Variants in CCDC146 observed in about 807,000 individuals in gnomAD.
The protein encoded by CCDC146 is coiled-coil domain containing 146.
In CCDC146, 92 loss-of-function variants were observed where a neutral mutation model predicts 119.3. That is an observed-to-expected ratio of 0.77 (90% CI 0.65 to 0.92). The LOEUF is 0.92. Ranked by LOEUF, CCDC146 falls within the 40% of genes least tolerant of loss-of-function variation. The pLI is 0.00. For synonymous variants in CCDC146, 372 were observed against 371.8 expected, an observed-to-expected ratio of 1.00 and a Z score of -0.01; for missense variants, 1,000 against 1,103.0, an observed-to-expected ratio of 0.91 and a Z score of 1.32.
intron 2 of CCDC146, among the ~76,000 whole-genome samples, chr7:77,185,431 C>A (rs995386917): frequency 1.3e-5 from 2 of 152,126 alleles, no homozygotes; most frequent in African/African-American, 2.4e-5. Context: ...TTGGCTGTGA[C>A]CCCACCCAAA....
intron 1 of CCDC146, among the ~76,000 whole-genome samples, chr7:77,161,544 A>G (rs1260038160): frequency 6.6e-6 from 1 of 150,500 alleles, no homozygotes; most frequent in Non-Finnish European, 1.5e-5. Flanking sequence ...AGAACAAAAA[A>G]CCAAACACCG....
chr7:77,183,199 C>T (rs948667599), intron 2 of CCDC146, among the ~76,000 whole-genome samples: 1 of 151,926 alleles, frequency 6.6e-6, no homozygotes, highest in African/African-American at 2.4e-5. Flanking sequence ...GCTTCCCACC[C>T]TCAGGCTATA....
At chr7:77,269,009 T>C (rs957832864) in intron 9 of CCDC146, among the ~76,000 whole-genome samples, 27 of 152,358 alleles carry the variant, frequency 1.8e-4, no homozygotes, top group Non-Finnish European at 1.3e-4. Context: ...TCTCTGTCTA[T>C]GGAAGTATAT....
chr7:77,132,281 T>A (rs1790795545), intron 1 of CCDC146, among the ~76,000 whole-genome samples: 1 of 152,006 alleles, frequency 6.6e-6, no homozygotes, highest in Non-Finnish European at 1.5e-5. Context: ...AAAAAAGAAC[T>A]AGAAAACAAT....
rs536619049 is a variant in CCDC146 at position 77,254,576 on chromosome 7, T to C, written c.507+13T>C. The C allele has an allele frequency of 1.4e-6, 2 of 1,403,300 alleles. No individual in the cohort carries two copies. Among genetic ancestry groups the C allele is most frequent in the Admixed American group, 1.9e-5 (1 of 51,466 alleles). The allele number at this position is 1,403,300 out of a possible 1,614,324, so 86.9% of individuals were successfully genotyped here. ...AACAAAGCCAGGAGTAAGTCTTAGATGATATAGAGTTTCTTAAATACAGCT... is the reference window on the plus strand; with the variant it reads ...AACAAAGCCAGGAGTAAGTCTTAGACGATATAGAGTTTCTTAAATACAGCT... On this transcript the variant is annotated intron_variant, in intron 5 of 18. Coordinates refer to ENST00000285871, the MANE Select transcript of CCDC146 (RefSeq NM_020879.3).
intron 18 of CCDC146, among the ~76,000 whole-genome samples, chr7:77,294,157 C>T (rs1328469607): frequency 6.6e-6 from 1 of 152,230 alleles, no homozygotes. Flanking sequence ...CACTTTACTC[C>T]TCTACCTCTT....
intron 2 of CCDC146, among the ~76,000 whole-genome samples, chr7:77,208,102 T>C (rs2110323): frequency 0.45 from 67,675 of 152,030 alleles, 17,577 homozygotes; most frequent in African/African-American, 0.72. Context: ...TTTGGCCTTA[T>C]GCAGGGTTCA....
At chr7:77,273,188 T>A (rs1793559020) in intron 9 of CCDC146, among the ~76,000 whole-genome samples, 1 of 152,214 alleles carries the variant, frequency 6.6e-6, no homozygotes, top group South Asian at 2.1e-4. Context: ...ATTCTCTTCA[T>A]CTGTACAATT....
intron 2 of CCDC146, chr7:77,198,154 A>G (rs917519351): frequency 6.0e-5 from 59 of 985,334 alleles, no homozygotes; most frequent in Non-Finnish European, 6.9e-5. Context: ...GCAGTGTGCC[A>G]GGTACATTCA....
At chr7:77,292,412 A>G (rs10267076) in intron 17 of CCDC146, among the ~76,000 whole-genome samples, 52,342 of 149,672 alleles carry the variant, frequency 0.35, 10,383 homozygotes, top group African/African-American at 0.53. Flanking sequence ...TCAGGAGATC[A>G]AGACCATCCT....
intron 2 of CCDC146, among the ~76,000 whole-genome samples, chr7:77,211,744 T>C (rs1792189031): frequency 1.3e-5 from 2 of 152,056 alleles, no homozygotes; most frequent in African/African-American, 4.8e-5. Context: ...GCCTCCTGAG[T>C]AGCTGGGATT....
chr7:77,189,248 C>T (rs932660120), intron 2 of CCDC146, among the ~76,000 whole-genome samples: 1 of 152,148 alleles, frequency 6.6e-6, no homozygotes, highest in African/African-American at 2.4e-5. Flanking sequence ...CTGTTCCTGG[C>T]AGCTCCATCC....
At chr7:77,284,219 T>C (rs1793810227) in intron 15 of CCDC146, among the ~76,000 whole-genome samples, 1 of 152,172 alleles carries the variant, frequency 6.6e-6, no homozygotes, top group African/African-American at 2.4e-5. Context: ...GGGGTTACAT[T>C]ACAGAAATGC....
chr7:77,219,537 T>C (rs1792362952), intron 2 of CCDC146, among the ~76,000 whole-genome samples: 1 of 152,162 alleles, frequency 6.6e-6, no homozygotes, highest in African/African-American at 2.4e-5. Flanking sequence ...ATTATAGCAT[T>C]TACAGAGATT....
At chr7:77,241,655 C>T (rs2150489390) in intron 3 of CCDC146, 36 bp from the exon 4 acceptor site, 1 of 1,588,770 alleles carries the variant, frequency 6.3e-7, no homozygotes. Context: ...ATGTACATGT[C>T]TCATTATGTG....
At chr7:77,290,268 C>G (rs1289526694) in intron 17 of CCDC146, among the ~76,000 whole-genome samples, 1 of 151,588 alleles carries the variant, frequency 6.6e-6, no homozygotes, top group Non-Finnish European at 1.5e-5. Flanking sequence ...AGGAGATATA[C>G]CTAATGTAAA....
At chr7:77,203,449 T>C (rs116078669) in intron 2 of CCDC146, among the ~76,000 whole-genome samples, 1,610 of 152,156 alleles carry the variant, frequency 0.011, 33 homozygotes, top group African/African-American at 0.037. Flanking sequence ...TAGATGTGGA[T>C]GTTAATTTGA....
At chr7:77,202,146 A>G (rs1006502434) in intron 2 of CCDC146, among the ~76,000 whole-genome samples, 1 of 152,250 alleles carries the variant, frequency 6.6e-6, no homozygotes, top group Admixed American at 6.5e-5. Flanking sequence ...TTGATATACT[A>G]TATATTTATT....
At chr7:77,178,726 C>T (rs185941010) in intron 2 of CCDC146, among the ~76,000 whole-genome samples, 19 of 152,214 alleles carry the variant, frequency 1.2e-4, no homozygotes, top group African/African-American at 4.1e-4. Context: ...TCTAAATAGT[C>T]GCTGAACGGA....
Sources: allele counts gnomAD v4.1 joint callset (sites outside exome capture counted in the v4.1 genomes callset), GRCh38; gene constraint gnomAD v4.1.1; transcripts MANE v1.5; gene names NCBI Gene and HGNC (gene_info 2026-07-23, HGNC 2026-07-21).